The following PEAK1 variants were observed in gnomAD, a reference collection of about 807,000 sequenced individuals.
The protein encoded by PEAK1 is pseudopodium enriched atypical kinase 1.
PEAK1 carries 54 observed loss-of-function variants against 124.7 expected under a neutral mutation model. That is an observed-to-expected ratio of 0.43 (90% CI 0.35 to 0.54). The LOEUF (loss-of-function observed/expected upper bound fraction) is 0.54. PEAK1 is among the 20% of genes least tolerant of loss of function. The pLI, the probability that PEAK1 is intolerant of heterozygous loss-of-function variation, is 0.01. For synonymous variants in PEAK1, 719 were observed against 760.0 expected (o/e 0.95, Z 0.89); for missense variants, 2,046 against 2,134.5 (o/e 0.96, Z 0.82).
rs536535684 is a variant in PEAK1, at chr15:77,342,246, G to A, written c.-603+22917C>T. Among the ~76,000 whole-genome samples the A allele has an allele frequency of 1.8e-4, 27 of 149,898 alleles. No individual in the cohort carries two copies. The South Asian group carries it at 4.9e-3, about 27-fold the overall frequency. Reference sequence around the variant, plus strand: ...TAATGTTAAGTATATTCACATTGTTGTGAAACACATCTCCAGAACTTTTTT... The same window carrying A: ...TAATGTTAAGTATATTCACATTGTTATGAAACACATCTCCAGAACTTTTTT... On this transcript the variant is annotated intron_variant, in intron 2 of 9. Coordinates refer to ENST00000682557, the MANE Select transcript of PEAK1 (RefSeq NM_001385026.1).
Position 77,145,664 on chromosome 15 carries a change from A to T in PEAK1, c.3332-11914T>A, listed in dbSNP as rs951648361. 2.0e-5 allele frequency among the ~76,000 whole-genome samples: 3 copies of T among 152,134 alleles called. No individual in the cohort carries two copies. In the East Asian group the frequency reaches 5.8e-4, roughly 29 times the overall value. ...TAGGTAGCTCACAGAATCTTTTAAA[A>T]AATCCTGATTGTGCCTCTACTCAAA... On this transcript the variant is annotated intron_variant, in intron 8 of 9. Coordinates refer to ENST00000682557, the MANE Select transcript of PEAK1 (RefSeq NM_001385026.1).
intron 2 of PEAK1, among the ~76,000 whole-genome samples, chr15:77,291,730 C>A (rs1446881688): frequency 2.0e-5 from 3 of 152,070 alleles, no homozygotes; most frequent in Admixed American, 2.0e-4. Context: ...GTAATCCCAG[C>A]ACTTTGGGAG....
chr15:77,273,366 C>T (rs2062138162), intron 5 of PEAK1, among the ~76,000 whole-genome samples: 1 of 151,976 alleles, frequency 6.6e-6, no homozygotes, highest in Non-Finnish European at 1.5e-5. Context: ...CCTAGAAAAC[C>T]CTAAAGACTC....
At chr15:77,223,886 A>ATTTTTTTTTTTTTTTTTTTTTTTT (rs10719377) in intron 6 of PEAK1, among the ~76,000 whole-genome samples, 1 of 121,608 alleles carries the variant, frequency 8.2e-6, no homozygotes. Context: ...CATTTGAGAG[A>ATTTTTTTTTTTTTTTTTTTTTTTT]TTTTTTTTTT....
chr15:77,248,595 G>A (rs1293762881), intron 6 of PEAK1, among the ~76,000 whole-genome samples: 1 of 152,122 alleles, frequency 6.6e-6, no homozygotes, highest in Non-Finnish European at 1.5e-5. Context: ...ACAGTGAAAA[G>A]ACACCATCTA....
intron 2 of PEAK1, among the ~76,000 whole-genome samples, chr15:77,292,467 T>G (rs1045454729): frequency 3.3e-5 from 5 of 151,998 alleles, no homozygotes; most frequent in Admixed American, 6.6e-5. Context: ...CTGGGGGCCA[T>G]TTGCTTAAAA....
At chr15:77,183,426 TATAAA>T (rs1191260428) in intron 6 of PEAK1, among the ~76,000 whole-genome samples, 1 of 152,204 alleles carries the variant, frequency 6.6e-6, no homozygotes, top group Non-Finnish European at 1.5e-5. Context: ...TACATAAAAT[TATAAA>T]ATAAAATTAT....
intron 5 of PEAK1, among the ~76,000 whole-genome samples, chr15:77,260,901 C>T (rs1320944480): frequency 6.6e-6 from 1 of 152,154 alleles, no homozygotes; most frequent in Admixed American, 6.5e-5. Flanking sequence ...CCTCACATGG[C>T]CGGGTACTCC....
chr15:77,322,549 A>G (rs1266804145), intron 2 of PEAK1, among the ~76,000 whole-genome samples: 2 of 152,170 alleles, frequency 1.3e-5, no homozygotes, highest in East Asian at 1.9e-4. Context: ...TAAATTCCTC[A>G]ACTCTTACAC....
At chr15:77,418,485 A>T in intron 1 of PEAK1, 1 of 985,250 alleles carries the variant, frequency 1.0e-6, no homozygotes, top group South Asian at 4.7e-5. Flanking sequence ...TCCAAAATTC[A>T]CTAGCAATGC....
At chr15:77,320,259 C>T (rs1312558404) in intron 2 of PEAK1, among the ~76,000 whole-genome samples, 1 of 152,070 alleles carries the variant, frequency 6.6e-6, no homozygotes, top group Admixed American at 6.6e-5. Context: ...GTACAGAATT[C>T]AATAATAAAA....
chr15:77,388,960 ATT>A (rs751451938), intron 1 of PEAK1, among the ~76,000 whole-genome samples: 31 of 121,644 alleles, frequency 2.5e-4, no homozygotes, highest in Non-Finnish European at 2.7e-4. Flanking sequence ...TCTTTTGCTT[ATT>A]TTTTTTTTTT....
At chr15:77,352,417 T>C (rs2067262713) in intron 2 of PEAK1, 1 of 985,288 alleles carries the variant, frequency 1.0e-6, no homozygotes, top group Non-Finnish European at 1.2e-6. Flanking sequence ...CAGGTCCTCA[T>C]TCAGATACAC....
intron 8 of PEAK1, among the ~76,000 whole-genome samples, chr15:77,152,357 G>A (rs1360478756): frequency 6.6e-6 from 1 of 152,050 alleles, no homozygotes; most frequent in Non-Finnish European, 1.5e-5. Flanking sequence ...AGACTTTGCT[G>A]AAGTTGCTTA....
chr15:77,323,117 T>C (rs1242876349), intron 2 of PEAK1, among the ~76,000 whole-genome samples: 1 of 152,170 alleles, frequency 6.6e-6, no homozygotes, highest in Non-Finnish European at 1.5e-5. Flanking sequence ...AAATTAGGTA[T>C]TGATGGGACG....
chr15:77,382,123 C>G (rs1190650133), intron 1 of PEAK1, among the ~76,000 whole-genome samples: 1 of 152,124 alleles, frequency 6.6e-6, no homozygotes, highest in African/African-American at 2.4e-5. Context: ...TCCCTCCTCT[C>G]TATCTATCTC....
chr15:77,402,990 T>C (rs2071503025), intron 1 of PEAK1: 4 of 985,324 alleles, frequency 4.1e-6, no homozygotes, highest in African/African-American at 1.7e-5. Context: ...TTATTTGCTC[T>C]TGCATTATGA....
chr15:77,239,937 T>A, intron 6 of PEAK1: 1 of 668,996 alleles, frequency 1.5e-6, no homozygotes, highest in Non-Finnish European at 1.8e-6. Flanking sequence ...TTTGTATTTT[T>A]TAAAATACTA....
intron 5 of PEAK1, among the ~76,000 whole-genome samples, chr15:77,256,605 A>G (rs1327297364): frequency 2.0e-5 from 3 of 152,126 alleles, no homozygotes; most frequent in African/African-American, 7.2e-5. Context: ...AAAAAATCAA[A>G]AGGAGAATAT....
Sources: gnomAD v4.1 joint callset for allele counts (sites outside exome capture counted in the v4.1 genomes callset) on GRCh38, gnomAD v4.1.1 for gene constraint, MANE v1.5 for transcripts, NCBI Gene and HGNC (gene_info 2026-07-23, HGNC 2026-07-21) for gene names.